The following KCTD18 variants were observed in gnomAD, a reference collection of about 807,000 sequenced individuals.
The protein encoded by KCTD18 is potassium channel tetramerization domain containing 18.
KCTD18 carries 22 observed loss-of-function variants against 30.4 expected under a neutral mutation model. That is an observed-to-expected ratio of 0.72 (90% CI 0.52 to 1.03). The LOEUF is 1.03. Among genes scored for constraint, KCTD18 ranks in the 50% least tolerant of loss-of-function variants. The pLI is 0.00. For missense variants in KCTD18, 529 were observed against 547.6 expected (o/e 0.97, Z 0.34); for synonymous variants, 186 against 209.0 (o/e 0.89, Z 0.95).
At chr2:200,494,972 G>A (rs562171533) in intron 5 of KCTD18, among the ~76,000 whole-genome samples, 1 of 152,318 alleles carries the variant, frequency 6.6e-6, no homozygotes, top group South Asian at 2.1e-4. Context: ...GTTGCTGTAT[G>A]TAGCAATGAT....
At chr2:200,499,788 T>C (rs4480969) in intron 3 of KCTD18, among the ~76,000 whole-genome samples, 90,441 of 148,422 alleles carry the variant, frequency 0.61, 28,042 homozygotes, top group East Asian at 0.79. Context: ...AAGAGGCCAG[T>C]ATCATCCTGA....
At chr2:200,496,979 T>C (rs140818527) in intron 5 of KCTD18, 5 of 152,372 alleles carry the variant, frequency 3.3e-5, no homozygotes, top group South Asian at 2.1e-4. Context: ...TTTTATCCAT[T>C]GTGTGACTGG....
At chr2:200,496,191 C>G (rs2087996144) in intron 5 of KCTD18, 1 of 152,804 alleles carries the variant, frequency 6.5e-6, no homozygotes, top group Non-Finnish European at 1.5e-5. Flanking sequence ...GCTGGGATTA[C>G]AAGTGTGAGT....
Position 200,498,954 on chromosome 2 carries a change from T to C in KCTD18, c.503A>G (p.Asp168Gly), listed in dbSNP as rs1032508406. Residue 168 changes from aspartate (D) to glycine (G), a missense_variant, in exon 4 of 7, where the codon GAT becomes GGT. Coordinates refer to ENST00000359878, the MANE Select transcript of KCTD18 (RefSeq NM_152387.4). Reference protein sequence around the residue: ...RIIGVYATKTDGTDAIEKQLG... With the variant: ...RIIGVYATKTGGTDAIEKQLG... ...CTGCTTTTCAATAGCGTCTGTTCCA[T>C]CAGTTTTTGTGGCATATACACCAAT... The C allele has an allele frequency of 9.9e-6, 16 of 1,614,048 alleles. No individual in the cohort carries two copies. The highest frequency in any genetic ancestry group is 1.1e-5 in the Non-Finnish European group (13 of 1,179,996).
chr2:200,493,122 A>G, intron 6 of KCTD18, 50 bp downstream of exon 6: 1 of 1,060,976 alleles, frequency 9.4e-7, no homozygotes, highest in Non-Finnish European at 1.5e-6. Flanking sequence ...GGCAGTAAAA[A>G]TGTCAGCGAT....
In KCTD18 at chr2:200,490,362, G is replaced by C. The variant is rs1559180062; in HGVS notation, c.1019C>G (p.Pro340Arg). 1 of 1,614,228 alleles carries C rather than the reference G, an allele frequency of 6.2e-7. No homozygotes were observed. The highest frequency in any genetic ancestry group is 1.1e-5 in the South Asian group (1 of 91,086). Residue 340 changes from proline to arginine, a missense_variant, in exon 7 of 7, where the codon CCT (proline) becomes CGT (arginine). Physicochemically the swap from Pro to Arg is moderately radical, Grantham distance 103. Coordinates refer to ENST00000359878, the MANE Select transcript of KCTD18 (RefSeq NM_152387.4). ...CCCAGGGGAAGCCTGAGGATGCCCA[G>C]GTGCCCCCGTGCCCACCAGGGCCGT... ...RATALVGTGA[P>R]GHPQASPGAA...
At chr2:200,492,897 A>G (rs1364239794) in intron 6 of KCTD18, among the ~76,000 whole-genome samples, 1 of 141,752 alleles carries the variant, frequency 7.1e-6, no homozygotes. Flanking sequence ...TATTTACCAC[A>G]GCATGCCCAC....
At chr2:200,490,825 A>T (rs573164181) in intron 6 of KCTD18, among the ~76,000 whole-genome samples, 1 of 152,316 alleles carries the variant, frequency 6.6e-6, no homozygotes, top group African/African-American at 2.4e-5. Context: ...AATACGAATT[A>T]TGTAAACTCA....
chr2:200,489,733 A>G lies in KCTD18; in HGVS notation c.*367T>C, dbSNP rs1379583303. ...TTCCCAGACAGGAATACCTAAGGCC[A>G]AACCTCATGCCCATCCTCGGGTTGC... On this transcript the variant is annotated 3_prime_UTR_variant, in exon 7 of 7. Coordinates refer to ENST00000359878, the MANE Select transcript of KCTD18 (RefSeq NM_152387.4). 5.1e-6 allele frequency: 1 copy of G among 196,772 alleles called. No individual in the cohort carries two copies. Among genetic ancestry groups the G allele is most frequent in the Non-Finnish European group, 1.0e-5 (1 of 97,074 alleles). 12.2% of individuals were successfully genotyped at this position (196,772 alleles called of 1,614,324 possible).
chr2:200,495,643 G>A (rs1466295869), intron 5 of KCTD18, among the ~76,000 whole-genome samples: 15 of 151,900 alleles, frequency 9.9e-5, no homozygotes, highest in Admixed American at 9.8e-4. Context: ...CATTGATAAG[G>A]AATGAAGCTG....
intron 5 of KCTD18, 22 bp from the exon 6 acceptor site, chr2:200,493,296 T>A: frequency 7.5e-7 from 1 of 1,339,500 alleles, no homozygotes; most frequent in South Asian, 1.2e-5. Context: ...AAAGACATAA[T>A]TAAGACAGCT....
intron 2 of KCTD18, among the ~76,000 whole-genome samples, chr2:200,506,188 T>C (rs995679150): frequency 6.6e-6 from 1 of 152,180 alleles, no homozygotes; most frequent in East Asian, 1.9e-4. Flanking sequence ...CTGGGGCTCA[T>C]ACACAGGGCA....
At chr2:200,493,673 A>G (rs1283236662) in intron 5 of KCTD18, among the ~76,000 whole-genome samples, 1 of 152,232 alleles carries the variant, frequency 6.6e-6, no homozygotes, top group Non-Finnish European at 1.5e-5. Flanking sequence ...AAATGATGAC[A>G]ATAATAGTAT....
intron 5 of KCTD18, among the ~76,000 whole-genome samples, chr2:200,495,417 C>A (rs1287149521): frequency 6.6e-6 from 1 of 152,052 alleles, no homozygotes; most frequent in Non-Finnish European, 1.5e-5. Flanking sequence ...CATTTCTGTT[C>A]CTAAGCCTTT....
intron 6 of KCTD18, among the ~76,000 whole-genome samples, chr2:200,492,814 G>T (rs2106276451): frequency 6.9e-6 from 1 of 145,004 alleles, no homozygotes; most frequent in East Asian, 2.0e-4. Context: ...GAAATTTCAA[G>T]TATTAAGTCT....
At chr2:200,492,299 G>C (rs1445467338) in intron 6 of KCTD18, among the ~76,000 whole-genome samples, 1 of 152,170 alleles carries the variant, frequency 6.6e-6, no homozygotes, top group Non-Finnish European at 1.5e-5. Context: ...TCACCCCACA[G>C]TGTGTCAACT....
intron 1 of KCTD18, among the ~76,000 whole-genome samples, chr2:200,508,730 A>G (rs555044925): frequency 2.0e-5 from 3 of 152,328 alleles, no homozygotes; most frequent in African/African-American, 7.2e-5. Flanking sequence ...CCAAAGGTCC[A>G]GCCTTCCAAA....
At position 200,490,576 on chromosome 2, in the gene KCTD18, A is replaced by C; in HGVS notation, c.805T>G (p.Tyr269Asp). The C allele has an allele frequency of 1.3e-6, 2 of 1,599,652 alleles. No homozygotes were observed. Among genetic ancestry groups the C allele is most frequent in the South Asian group, 2.2e-5 (2 of 90,976 alleles). ...CTAACTGGCTTAGGACCAGTCTTATAGTTCACACTTTCGTCCGCTTCATTG... is the reference window on the plus strand; with the variant it reads ...CTAACTGGCTTAGGACCAGTCTTATCGTTCACACTTTCGTCCGCTTCATTG... Reference protein sequence around the residue: ...TFNEADESVNYKTGPKPVRFL... With the variant: ...TFNEADESVNDKTGPKPVRFL... Residue 269 changes from tyrosine to aspartate, a missense_variant, in exon 7 of 7, where the codon TAT (tyrosine) becomes GAT (aspartate). Tyr to Asp is a radical substitution (Grantham distance 160). Transcript: ENST00000359878.
rs1055237519 is a variant in KCTD18, at chr2:200,506,965, C to T, written c.52G>A (p.Val18Met). 3.1e-6 allele frequency: 5 copies of T among 1,613,944 alleles called. No homozygotes were observed. The South Asian group carries it at 4.4e-5, about 14-fold the overall frequency. Residue 18 changes from valine (V) to methionine (M), a missense_variant, in exon 2 of 7, where the codon GTG (valine) becomes ATG (methionine). Coordinates refer to ENST00000359878, the MANE Select transcript of KCTD18 (RefSeq NM_152387.4). ...CGGGCTGTGTAAATACAGCCACCCA[C>T]GTTCAGTCGGAGAACATCTAGCACC... ...EEVLDVLRLNVGGCIYTARRE... is the reference protein window; with the variant it reads ...EEVLDVLRLNMGGCIYTARRE...
Sources: allele counts gnomAD v4.1 joint callset (sites outside exome capture counted in the v4.1 genomes callset), GRCh38; gene constraint gnomAD v4.1.1; transcripts MANE v1.5; gene names NCBI Gene and HGNC (gene_info 2026-07-23, HGNC 2026-07-21).